STOX2: variants seen among roughly 807,000 people sequenced by gnomAD.
The protein encoded by STOX2 is storkhead box 2.
In STOX2, 28 loss-of-function variants were observed where a neutral mutation model predicts 60.9. That is an observed-to-expected ratio of 0.46 (90% CI 0.34 to 0.63). The LOEUF (loss-of-function observed/expected upper bound fraction) is 0.63. Among genes scored for constraint, STOX2 ranks in the 30% least tolerant of loss-of-function variants. The pLI is 0.01. For synonymous variants in STOX2, 472 were observed against 463.9 expected (o/e 1.02, Z -0.22); for missense variants, 1,024 against 1,187.7 (o/e 0.86, Z 2.03).
chr4:183,809,577 T>G (rs1323284707), intron 1 of STOX2, among the ~76,000 whole-genome samples: 1 of 152,140 alleles, frequency 6.6e-6, no homozygotes, highest in African/African-American at 2.4e-5. Context: ...TTTTCTACTT[T>G]TAGTAGAGAC....
intron 1 of STOX2, among the ~76,000 whole-genome samples, chr4:183,996,591 G>A (rs1285132107): frequency 6.6e-6 from 1 of 152,116 alleles, no homozygotes; most frequent in East Asian, 1.9e-4. Context: ...GGCTCGTTAA[G>A]CAGGTTTATA....
At chr4:183,898,931 C>T (rs778002698) in intron 1 of STOX2, among the ~76,000 whole-genome samples, 18 of 152,130 alleles carry the variant, frequency 1.2e-4, no homozygotes, top group Non-Finnish European at 2.2e-4. Flanking sequence ...TTTTACAAAC[C>T]GAAGTTTTCT....
intron 3 of STOX2, chr4:184,015,230 C>T (rs1734319079): frequency 6.6e-6 from 1 of 152,154 alleles, no homozygotes; most frequent in South Asian, 2.1e-4. Context: ...AGGAATGTGT[C>T]TTGAAATCTT....
intron 1 of STOX2, among the ~76,000 whole-genome samples, chr4:183,810,483 A>G (rs1739009820): frequency 6.6e-6 from 1 of 152,192 alleles, no homozygotes; most frequent in Non-Finnish European, 1.5e-5. Context: ...TGCCAAAGAA[A>G]GAGCTGGGTG....
chr4:183,969,005 G>A (rs1743662050), intron 1 of STOX2, among the ~76,000 whole-genome samples: 1 of 152,228 alleles, frequency 6.6e-6, no homozygotes, highest in Admixed American at 6.5e-5. Context: ...TGGGAGTGAT[G>A]TCTTTCTTCA....
intron 1 of STOX2, among the ~76,000 whole-genome samples, chr4:183,926,107 C>T (rs1023402582): frequency 3.9e-5 from 6 of 152,182 alleles, no homozygotes; most frequent in South Asian, 4.1e-4. Context: ...AAAAAGAAAT[C>T]TGTATTTCCA....
At chr4:183,810,152 C>T (rs1317639480) in intron 1 of STOX2, among the ~76,000 whole-genome samples, 1 of 152,168 alleles carries the variant, frequency 6.6e-6, no homozygotes, top group East Asian at 1.9e-4. Flanking sequence ...ACCCTTGACC[C>T]TAAGGAGGAG....
At chr4:183,955,886 G>A (rs1022054441) in intron 1 of STOX2, among the ~76,000 whole-genome samples, 9 of 152,192 alleles carry the variant, frequency 5.9e-5, no homozygotes, top group African/African-American at 1.4e-4. Flanking sequence ...GAGGATAATG[G>A]TTGGGCTTTT....
At chr4:183,933,325 T>C (rs1465497557) in intron 1 of STOX2, among the ~76,000 whole-genome samples, 1 of 152,258 alleles carries the variant, frequency 6.6e-6, no homozygotes, top group African/African-American at 2.4e-5. Flanking sequence ...TAAGCCTGTC[T>C]AGTTCTTATT....
rs375661411 is a variant in STOX2, at chr4:184,011,113, C to T, written c.2275C>T (p.Arg759Cys). ...SAAQAMPASQ[R>C]QQESGGNQEA... ...GGCACAAGCCATGCCTGCTTCCCAG[C>T]GTCAGCAGGAGTCAGGAGGGAACCA... is the stretch of plus-strand genomic sequence containing the variant. The change falls in exon 3 of 4, where the codon CGT becomes TGT. Residue 759 changes from arginine (R) to cysteine (C), a missense_variant. Physicochemically the swap from Arg to Cys is radical, Grantham distance 180 (BLOSUM62 -3). This residue lies in a region of STOX2 where 922 missense variants were observed against 1,058.3 expected (regional missense o/e 0.87). Transcript: ENST00000308497. This position sits in a 1 kb window ranked among gnomAD's most constrained non-coding sequence, Gnocchi z 4.4. 1.0e-5 allele frequency: 16 copies of T among 1,586,930 alleles called. No homozygotes were observed. Among genetic ancestry groups the T allele is most frequent in the African/African-American group, 2.7e-5 (2 of 73,958 alleles).
intron 1 of STOX2, among the ~76,000 whole-genome samples, chr4:183,980,624 T>G (rs1467413886): frequency 6.6e-6 from 1 of 152,178 alleles, no homozygotes; most frequent in Non-Finnish European, 1.5e-5. Flanking sequence ...GATGAGAATG[T>G]TTGGCCAGTA....
At chr4:183,965,229 C>T (rs943135988) in intron 1 of STOX2, among the ~76,000 whole-genome samples, 2 of 152,168 alleles carry the variant, frequency 1.3e-5, no homozygotes, top group African/African-American at 2.4e-5. Context: ...ATTAGAACGA[C>T]ATTTGAATCC....
At chr4:184,006,965 G>A (rs1430496960) in intron 2 of STOX2, among the ~76,000 whole-genome samples, 5 of 129,664 alleles carry the variant, frequency 3.9e-5, no homozygotes, top group South Asian at 4.9e-4. Flanking sequence ...GCAGTGAGCC[G>A]AGATCCCGCC....
intron 1 of STOX2, among the ~76,000 whole-genome samples, chr4:183,976,328 A>G (rs181179083): frequency 6.6e-6 from 1 of 152,336 alleles, no homozygotes; most frequent in African/African-American, 2.4e-5. Flanking sequence ...AAACAAAAAA[A>G]AAGAAAATCA....
chr4:183,914,142 G>A (rs1436636775), intron 1 of STOX2, among the ~76,000 whole-genome samples: 1 of 152,178 alleles, frequency 6.6e-6, no homozygotes, highest in Non-Finnish European at 1.5e-5. Context: ...AGGAGGGATG[G>A]GACAAGGTGG....
At chr4:183,847,270 A>G (rs770775915) in intron 1 of STOX2, among the ~76,000 whole-genome samples, 2 of 152,192 alleles carry the variant, frequency 1.3e-5, no homozygotes, top group Admixed American at 6.5e-5. Flanking sequence ...GGCTTCTAGA[A>G]TCCCAGGATT....
At chr4:183,934,057 A>T (rs1216488324) in intron 1 of STOX2, among the ~76,000 whole-genome samples, 1 of 152,122 alleles carries the variant, frequency 6.6e-6, no homozygotes, top group Non-Finnish European at 1.5e-5. Context: ...TGATCCTAGC[A>T]CTTTGGGAGG....
intron 1 of STOX2, among the ~76,000 whole-genome samples, chr4:183,898,791 C>T (rs1741397793): frequency 6.6e-6 from 1 of 152,100 alleles, no homozygotes; most frequent in Non-Finnish European, 1.5e-5. Flanking sequence ...AGGATGAAAC[C>T]AAATTCAACG....
chr4:183,842,925 G>A (rs1739897060), intron 1 of STOX2, among the ~76,000 whole-genome samples: 3 of 151,922 alleles, frequency 2.0e-5, no homozygotes, highest in South Asian at 4.2e-4. Context: ...CAAGGCGGGT[G>A]GATCACAAGG....
Sources: gnomAD v4.1 joint callset for allele counts (sites outside exome capture counted in the v4.1 genomes callset) on GRCh38, gnomAD v4.1.1 for gene constraint, gnomAD v4.1.1 regional missense constraint, Gnocchi (gnomAD v3.1) non-coding constraint, MANE v1.5 for transcripts, NCBI Gene and HGNC (gene_info 2026-07-23, HGNC 2026-07-21) for gene names.